Variants in DENND4C observed in about 807,000 individuals in gnomAD.
DENND4C encodes DENN domain containing 4C.
Under a neutral mutation model 203.0 loss-of-function variants are expected in DENND4C, and 108 were observed. That is an observed-to-expected ratio of 0.53 (90% confidence interval 0.46 to 0.62). The LOEUF is 0.62. Among genes scored for constraint, DENND4C ranks in the 20% least tolerant of loss-of-function variants. DENND4C has a pLI of 0.00. For missense variants in DENND4C, 2,481 were observed against 2,301.2 expected, an observed-to-expected ratio of 1.08 and a Z score of -1.60; for synonymous variants, 871 against 792.4, an observed-to-expected ratio of 1.10 and a Z score of -1.67.
intron 30 of DENND4C, among the ~76,000 whole-genome samples, chr9:19,364,575 C>T (rs952541245): frequency 6.6e-6 from 1 of 152,216 alleles, no homozygotes; most frequent in Non-Finnish European, 1.5e-5. Flanking sequence ...TTCCCAGCCC[C>T]AGCTCCAGAG....
At chr9:19,354,377 C>G (rs1444417513) in intron 26 of DENND4C, among the ~76,000 whole-genome samples, 1 of 152,004 alleles carries the variant, frequency 6.6e-6, no homozygotes, top group Admixed American at 6.6e-5. Context: ...TTTTAGTAAA[C>G]ACAAAATATT....
intron 22 of DENND4C, among the ~76,000 whole-genome samples, chr9:19,344,328 A>C (rs901043157): frequency 1.1e-4 from 16 of 152,210 alleles, no homozygotes; most frequent in African/African-American, 3.9e-4. Context: ...TAGGTGACTT[A>C]TAAACAACAG....
intron 1 of DENND4C, among the ~76,000 whole-genome samples, chr9:19,235,961 T>A (rs1821868464): frequency 6.6e-6 from 1 of 151,954 alleles, no homozygotes; most frequent in Non-Finnish European, 1.5e-5. Flanking sequence ...TAAAGGTTGT[T>A]CTCGAATTGA....
intron 31 of DENND4C, 157 bp from the exon 32 acceptor site, chr9:19,371,599 T>C (rs562853543): frequency 4.8e-5 from 22 of 459,520 alleles, no homozygotes; most frequent in African/African-American, 4.6e-4. Flanking sequence ...TGACACCTCA[T>C]ATAACTAACT....
At chr9:19,319,108 G>A (rs1265921000) in intron 12 of DENND4C, among the ~76,000 whole-genome samples, 1 of 151,340 alleles carries the variant, frequency 6.6e-6, no homozygotes, top group East Asian at 1.9e-4. Flanking sequence ...GGCAGAAGTT[G>A]CGGTGAGCCA....
intron 24 of DENND4C, among the ~76,000 whole-genome samples, chr9:19,351,819 AG>A (rs201008771): frequency 1.4e-5 from 2 of 147,292 alleles, no homozygotes; most frequent in Non-Finnish European, 2.9e-5. Context: ...AAAAAAAAAA[AG>A]AAAAGAAAAA....
At chr9:19,299,312 A>G (rs1838081344) in intron 8 of DENND4C, 25 bp downstream of exon 8, 1 of 1,476,374 alleles carries the variant, frequency 6.8e-7, no homozygotes, top group Non-Finnish European at 9.2e-7. Flanking sequence ...TTAAAATGAT[A>G]TATTTATTCA....
intron 1 of DENND4C, among the ~76,000 whole-genome samples, chr9:19,251,812 T>C (rs959205290): frequency 6.6e-5 from 10 of 152,122 alleles, no homozygotes; most frequent in African/African-American, 2.4e-4. Flanking sequence ...GTTCCTCATC[T>C]CCATCTGAGA....
rs143869788 is a variant in DENND4C at position 19,287,150 on chromosome 9, AT to A, written c.558+134del. ...ATGATGCTTGTTTTTATTTTTCCTA[AT>A]TTTTATGATTTGTAATAATTTTTAA... On this transcript the variant is annotated intron_variant, in intron 3 of 32. Coordinates refer to ENST00000434457, the MANE Select transcript of DENND4C (RefSeq NM_001330640.2). 9.3e-3 allele frequency: 8,066 copies of A among 865,262 alleles called. 472 individuals carry two copies. In the African/African-American group the frequency reaches 0.12, roughly 13 times the overall value. The allele number at this position is 865,262 out of a possible 1,614,324, so 53.6% of individuals were successfully genotyped here.
At chr9:19,303,597 C>G (rs1839038526) in intron 9 of DENND4C, among the ~76,000 whole-genome samples, 1 of 152,262 alleles carries the variant, frequency 6.6e-6, no homozygotes, top group African/African-American at 2.4e-5. Context: ...TTGTTAAGCT[C>G]TCATTATGTA....
chr9:19,284,532 A>G (rs1423634387), intron 2 of DENND4C, among the ~76,000 whole-genome samples: 1 of 152,134 alleles, frequency 6.6e-6, no homozygotes, highest in Non-Finnish European at 1.5e-5. Flanking sequence ...AAATGTTACT[A>G]AATTTTTCTC....
chr9:19,341,300 T>G (rs1821577859), intron 21 of DENND4C, among the ~76,000 whole-genome samples, 186 bp downstream of exon 21: 1 of 145,028 alleles, frequency 6.9e-6, no homozygotes, highest in South Asian at 2.1e-4. Context: ...TTAAGAGAAC[T>G]TTCTTTCTTT....
At chr9:19,238,462 C>T (rs535636669) in intron 1 of DENND4C, among the ~76,000 whole-genome samples, 1 of 53,836 alleles carries the variant, frequency 1.9e-5, no homozygotes, top group African/African-American at 8.2e-5. Context: ...CCCTCCCCTC[C>T]CCTCCCTCTC....
intron 1 of DENND4C, among the ~76,000 whole-genome samples, chr9:19,265,572 T>G (rs1019822546): frequency 6.6e-6 from 1 of 152,142 alleles, no homozygotes; most frequent in Non-Finnish European, 1.5e-5. Flanking sequence ...TCATTTACAT[T>G]AGGTATATCT....
At chr9:19,367,724 A>G (rs905587466) in intron 30 of DENND4C, among the ~76,000 whole-genome samples, 40 of 152,250 alleles carry the variant, frequency 2.6e-4, no homozygotes, top group Admixed American at 2.6e-3. Context: ...TGGGCAACAG[A>G]GCGAGACTCC....
Position 19,357,089 on chromosome 9 carries a change from C to A in DENND4C, c.4899C>A (p.Asn1633Lys). The A allele has an allele frequency of 6.2e-7, 1 of 1,613,906 alleles. No homozygotes were observed. ...GTTTAGCAGAACCTGACTTGATCAA[C>A]TTTATGGACTTCCCAAAACATAACC... ...VSSLAEPDLI[N>K]FMDFPKHNQI... Residue 1633 changes from asparagine to lysine, a missense_variant, in exon 27 of 33, where the codon AAC (asparagine) becomes AAA (lysine). Around this residue, in one of 3 missense-constraint regions of DENND4C, gnomAD observed 2,289 missense variants for 2,113.3 expected, o/e 1.08. Transcript: ENST00000434457.
chr9:19,271,443 C>G (rs570767126), intron 1 of DENND4C, among the ~76,000 whole-genome samples: 1 of 152,090 alleles, frequency 6.6e-6, no homozygotes, highest in South Asian at 2.1e-4. Flanking sequence ...TCAAGTGATC[C>G]GCCTACCTCT....
intron 1 of DENND4C, among the ~76,000 whole-genome samples, chr9:19,256,100 A>T (rs1255061285): frequency 6.6e-6 from 1 of 151,798 alleles, no homozygotes. Flanking sequence ...AAAAAAAAAA[A>T]GACCAGATTC....
chr9:19,345,868 A>C, intron 22 of DENND4C, 53 bp from the exon 23 acceptor site: 2 of 1,426,874 alleles, frequency 1.4e-6, no homozygotes, highest in Non-Finnish European at 1.9e-6. Flanking sequence ...ATATTTTAAT[A>C]AAAGTTAACT....
Sources: gnomAD v4.1 joint callset for allele counts (sites outside exome capture counted in the v4.1 genomes callset) on GRCh38, gnomAD v4.1.1 for gene constraint, gnomAD v4.1.1 regional missense constraint, MANE v1.5 for transcripts, NCBI Gene and HGNC (gene_info 2026-07-23, HGNC 2026-07-21) for gene names.